LRP2: variants seen among roughly 807,000 people sequenced by gnomAD.
The protein encoded by LRP2 is low-density lipoprotein receptor-related protein 2.
A neutral mutation model predicts 531.0 loss-of-function variants in LRP2; 172 were observed. That is an observed-to-expected ratio of 0.32 (90% CI 0.29 to 0.37). LRP2 has a LOEUF of 0.37. Among genes scored for constraint, LRP2 ranks in the 10% least tolerant of loss-of-function variants. The pLI, the probability that LRP2 is intolerant of heterozygous loss-of-function variation, is 1.00. For missense variants in LRP2, 5,167 were observed against 5,868.3 expected, an observed-to-expected ratio of 0.88 and a Z score of 3.90; for synonymous variants, 1,992 against 2,027.6, an observed-to-expected ratio of 0.98 and a Z score of 0.47.
At chr2:169,204,295 T>C (rs1462476148) in intron 41 of LRP2, 24 bp from the exon 42 acceptor site, 1 of 1,606,202 alleles carries the variant, frequency 6.2e-7, no homozygotes, top group Non-Finnish European at 8.5e-7. Context: ...AAAAAAAATT[T>C]AGAAGTTGAA....
At position 169,279,479 on chromosome 2, in the gene LRP2, G is replaced by T. The variant is rs770720821; in HGVS notation, c.1458C>A (p.Thr486=). 6.8e-6 allele frequency: 11 copies of T among 1,613,580 alleles called. No homozygotes were observed. The highest frequency in any genetic ancestry group is 9.3e-6 in the Non-Finnish European group (11 of 1,179,716). ...WVNNKIYLVE[T]KVNRIDMVNL... is the part of the protein sequence containing the mutation. ...TTACCATATCTATGCGGTTGACCTT[G>T]GTTTCCACTAGATAGATTTTATTAT... Residue 486 remains threonine, a synonymous_variant, in exon 12 of 79, where the codon ACC becomes ACA. Coordinates refer to ENST00000649046, the MANE Select transcript of LRP2 (RefSeq NM_004525.3).
rs780310223 is a variant in LRP2 at position 169,307,355 on chromosome 2, C to A, written c.353G>T (p.Gly118Val). 2 of 1,613,790 alleles carry A rather than the reference C, an allele frequency of 1.2e-6. No individual in the cohort carries two copies. Among genetic ancestry groups the A allele is most frequent in the African/African-American group, 2.7e-5 (2 of 74,902 alleles). Residue 118 changes from glycine (G) to valine (V), a missense_variant, in exon 4 of 79, where the codon GGT becomes GTT. By Grantham distance (109) the Gly-to-Val change is moderately radical. This residue lies in a region of LRP2 where 2,811 missense variants were observed against 3,058.0 expected (regional missense o/e 0.92). Coordinates refer to ENST00000649046, the MANE Select transcript of LRP2 (RefSeq NM_004525.3). ...CSSHQITCSN[G>V]QCIPSEYRCD... ...CCTGTATTCACTTGGGATACACTGACCATTGGAGCATGTTATCTGATGACT... is the reference window on the plus strand; with the variant it reads ...CCTGTATTCACTTGGGATACACTGAACATTGGAGCATGTTATCTGATGACT...
chr2:169,282,784 C>G, intron 10 of LRP2, 89 bp downstream of exon 10: 1 of 1,409,766 alleles, frequency 7.1e-7, no homozygotes, highest in Non-Finnish European at 1.0e-6. Flanking sequence ...AACAAAAATG[C>G]TGATAATTCT....
chr2:169,329,932 C>T (rs111255858), intron 1 of LRP2, among the ~76,000 whole-genome samples: 20 of 152,328 alleles, frequency 1.3e-4, no homozygotes, highest in East Asian at 5.8e-4. Flanking sequence ...GCCTGAGCTC[C>T]GCCTCCTGTC....
At position 169,243,057 on chromosome 2, in the gene LRP2, G is replaced by A. The variant is rs1334160386; in HGVS notation, c.3566C>T (p.Ala1189Val). ...DEVGCVLNCT[A>V]SQFKCASGDK... ...CCCACTGGCACACTTGAATTGAGAAGCAGTACAGTTTAATACTAAGAATGA... is the reference window on the plus strand; with the variant it reads ...CCCACTGGCACACTTGAATTGAGAAACAGTACAGTTTAATACTAAGAATGA... Residue 1189 changes from alanine to valine, a missense_variant, in exon 24 of 79, where the codon GCT becomes GTT. By Grantham distance (64) the Ala-to-Val change is moderately conservative. Transcript: ENST00000649046. 1 of 1,612,478 alleles carries A rather than the reference G, an allele frequency of 6.2e-7. No homozygotes were observed. The highest frequency in any genetic ancestry group is 1.1e-5 in the South Asian group (1 of 91,036).
At position 169,362,519 on chromosome 2, in the gene LRP2, T is replaced by G; in HGVS notation, c.-120A>C. On this transcript the variant is annotated 5_prime_UTR_variant, in exon 1 of 79. Transcript: ENST00000649046. ...TTAGGTCTGCACCTCCGCCAGCTCCTAGTGGCCAAAAGCCTGCCCCCACGC... is the reference window on the plus strand; with the variant it reads ...TTAGGTCTGCACCTCCGCCAGCTCCGAGTGGCCAAAAGCCTGCCCCCACGC... 1 of 892,440 alleles carries G rather than the reference T, an allele frequency of 1.1e-6. No individual in the cohort carries two copies. Among genetic ancestry groups the G allele is most frequent in the Non-Finnish European group, 1.8e-6 (1 of 564,174 alleles). The allele number at this position is 892,440 out of a possible 1,614,324, so 55.3% of individuals were successfully genotyped here.
At position 169,185,630 on chromosome 2, in the gene LRP2, T is replaced by C; in HGVS notation, c.9718A>G (p.Arg3240Gly). Residue 3240 changes from arginine to glycine, a missense_variant, in exon 50 of 79, where the codon AGA (arginine) becomes GGA (glycine). By Grantham distance (125) the Arg-to-Gly change is moderately radical. This residue lies in a region of LRP2 where 1,129 missense variants were observed against 1,362.7 expected (regional missense o/e 0.83). Coordinates refer to ENST00000649046, the MANE Select transcript of LRP2 (RefSeq NM_004525.3). ...VALDFDRVEKRLYWIDTQRQV... is the reference protein window; with the variant it reads ...VALDFDRVEKGLYWIDTQRQV... ...CTCTGTGTATCAATCCAATACAATC[T>C]CTTCTCTACTCGGTCAAAATCTAAT... 2 of 1,614,206 alleles carry C rather than the reference T, an allele frequency of 1.2e-6. No homozygotes were observed. Among genetic ancestry groups the C allele is most frequent in the Non-Finnish European group, 1.7e-6 (2 of 1,180,032 alleles).
intron 24 of LRP2, among the ~76,000 whole-genome samples, chr2:169,241,744 A>C (rs1559035896): frequency 6.6e-6 from 1 of 152,230 alleles, no homozygotes; most frequent in Non-Finnish European, 1.5e-5. Flanking sequence ...AATAGAGCTT[A>C]AATAGCTATG....
intron 17 of LRP2, among the ~76,000 whole-genome samples, chr2:169,257,840 C>CA (rs796959700): frequency 0.016 from 2,169 of 138,506 alleles, 48 homozygotes; most frequent in African/African-American, 0.052. Flanking sequence ...AAAAAAAACA[C>CA]AAAAAAAACA....
intron 61 of LRP2, among the ~76,000 whole-genome samples, chr2:169,167,781 A>T (rs1345407753): frequency 6.6e-6 from 1 of 151,790 alleles, no homozygotes; most frequent in African/African-American, 2.4e-5. Flanking sequence ...TAGCAAAATG[A>T]CTGCAACAAA....
At chr2:169,303,790 C>T (rs1684344189) in intron 4 of LRP2, among the ~76,000 whole-genome samples, 1 of 151,972 alleles carries the variant, frequency 6.6e-6, no homozygotes, top group South Asian at 2.1e-4. Flanking sequence ...GCATGTGATT[C>T]ATTTTAGGTC....
At chr2:169,350,105 A>G (rs1473248171) in intron 1 of LRP2, among the ~76,000 whole-genome samples, 1 of 152,258 alleles carries the variant, frequency 6.6e-6, no homozygotes, top group Non-Finnish European at 1.5e-5. Context: ...TTGAAGATCA[A>G]AACAATGGGA....
chr2:169,230,827 C>A (rs1689370851), intron 31 of LRP2, among the ~76,000 whole-genome samples: 1 of 152,162 alleles, frequency 6.6e-6, no homozygotes, highest in Non-Finnish European at 1.5e-5. Flanking sequence ...TCAATCGACC[C>A]AATAAAATAT....
rs1687702861 is a variant in LRP2 at position 169,188,268 on chromosome 2, G to A, written c.9033-3C>T. The stretch of plus-strand genomic sequence containing the variant: ...CACAGTCATTGTGCCGGTCACACCT[G>A]TATCATGAGATCCAGTACCACTTTC... On this transcript the variant is annotated splice_polypyrimidine_tract_variant and splice_region_variant and intron_variant, in intron 48 of 78. Transcript: ENST00000649046. The A allele has an allele frequency of 6.2e-7, 1 of 1,613,980 alleles. No homozygotes were observed. The highest frequency in any genetic ancestry group is 8.5e-7 in the Non-Finnish European group (1 of 1,179,980).
At chr2:169,361,908 G>A (rs1333337171) in intron 1 of LRP2, among the ~76,000 whole-genome samples, 1 of 152,196 alleles carries the variant, frequency 6.6e-6, no homozygotes, top group African/African-American at 2.4e-5. Context: ...GGGCGCTGCA[G>A]GTGGAAAGCT....
At chr2:169,222,760 T>C (rs1004881414) in intron 33 of LRP2, among the ~76,000 whole-genome samples, 2 of 152,222 alleles carry the variant, frequency 1.3e-5, no homozygotes, top group Non-Finnish European at 2.9e-5. Context: ...CTCTCCTCCC[T>C]TTTAAATATC....
intron 14 of LRP2, among the ~76,000 whole-genome samples, chr2:169,274,024 A>G (rs1474832068): frequency 6.6e-6 from 1 of 152,128 alleles, no homozygotes; most frequent in Admixed American, 6.6e-5. Flanking sequence ...ATTCATCTGA[A>G]TGTGTCATTT....
chr2:169,200,358 G>T (rs545383015), intron 44 of LRP2, among the ~76,000 whole-genome samples: 2 of 152,324 alleles, frequency 1.3e-5, no homozygotes, highest in African/African-American at 2.4e-5. Flanking sequence ...ACTCAACCCT[G>T]TGATAATTTC....
Position 169,175,399 on chromosome 2 carries a change from G to A in LRP2, c.10572-10C>T. The A allele has an allele frequency of 4.3e-6, 7 of 1,613,306 alleles. No homozygotes were observed. The highest frequency in any genetic ancestry group is 5.9e-6 in the Non-Finnish European group (7 of 1,179,556). ...CCAGATAGGAATGCACCTGCACAGA[G>A]AACATACAGCACTTCTTTAGCAAAG... On this transcript the variant is annotated splice_polypyrimidine_tract_variant and intron_variant, in intron 54 of 78. Coordinates refer to ENST00000649046, the MANE Select transcript of LRP2 (RefSeq NM_004525.3).
Sources: allele counts gnomAD v4.1 joint callset (sites outside exome capture counted in the v4.1 genomes callset), GRCh38; gene constraint gnomAD v4.1.1; regional missense constraint gnomAD v4.1.1; transcripts MANE v1.5; gene names NCBI Gene and HGNC (gene_info 2026-07-23, HGNC 2026-07-21).